The following FANCD2 variants were observed in gnomAD, a reference collection of about 807,000 sequenced individuals.
The protein encoded by FANCD2 is Fanconi anemia group D2 protein.
A neutral mutation model predicts 192.3 loss-of-function variants in FANCD2; 131 were observed. The observed-to-expected ratio is 0.68, with a 90% confidence interval of 0.59 to 0.79. The LOEUF (loss-of-function observed/expected upper bound fraction) is 0.79, where lower values mean the gene tolerates loss of function less well. FANCD2 is among the 30% of genes least tolerant of loss of function. The pLI is 0.00. For missense variants in FANCD2, 1,508 were observed against 1,701.6 expected (o/e 0.89, Z 2.00); for synonymous variants, 524 against 612.5 (o/e 0.86, Z 2.13).
intron 9 of FANCD2, 133 bp from the exon 10 acceptor site, chr3:10,041,490 T>C (rs1212034342): frequency 1.5e-6 from 1 of 684,260 alleles, no homozygotes; most frequent in Non-Finnish European, 2.7e-6. Flanking sequence ...AGAAACATAC[T>C]ATAAACGGTA....
intron 14 of FANCD2, among the ~76,000 whole-genome samples, chr3:10,045,340 T>C (rs1327327603): frequency 6.6e-6 from 1 of 151,956 alleles, no homozygotes; most frequent in African/African-American, 2.4e-5. Context: ...GGCTAATTTT[T>C]TGTATTTTTA....
intron 26 of FANCD2, among the ~76,000 whole-genome samples, chr3:10,068,926 A>C (rs2087793364): frequency 6.6e-6 from 1 of 152,242 alleles, no homozygotes; most frequent in Admixed American, 6.5e-5. Context: ...GTGTTGGGAA[A>C]ACTGGATATC....
At chr3:10,051,582 G>C (rs1237457544) in intron 17 of FANCD2, among the ~76,000 whole-genome samples, 1 of 152,040 alleles carries the variant, frequency 6.6e-6, no homozygotes, top group Non-Finnish European at 1.5e-5. Flanking sequence ...TTGGGGAATA[G>C]AGTCAATGTC....
At chr3:10,097,836 G>A (rs1695064841) in intron 42 of FANCD2, among the ~76,000 whole-genome samples, 1 of 152,184 alleles carries the variant, frequency 6.6e-6, no homozygotes, top group Admixed American at 6.5e-5. Flanking sequence ...ACAGGCATAA[G>A]AAATTACAAA....
chr3:10,034,216 T>TG (rs113663828), intron 3 of FANCD2, among the ~76,000 whole-genome samples: 2 of 148,428 alleles, frequency 1.3e-5, no homozygotes, highest in East Asian at 2.0e-4. Flanking sequence ...CCCAGCTACT[T>TG]GGGGGGGCTG....
chr3:10,069,484 C>CCCCTCT (rs1348732335), intron 26 of FANCD2, among the ~76,000 whole-genome samples: 2 of 140,656 alleles, frequency 1.4e-5, no homozygotes, highest in Non-Finnish European at 3.0e-5. Context: ...CCTCCCCCTC[C>CCCCTCT]CCCTCTCCCG....
At chr3:10,058,905 C>G (rs1290054685) in intron 18 of FANCD2, among the ~76,000 whole-genome samples, 1 of 152,200 alleles carries the variant, frequency 6.6e-6, no homozygotes, top group African/African-American at 2.4e-5. Context: ...AAGGATTGCA[C>G]TGAATCACTT....
chr3:10,069,926 G>T (rs1194304498), intron 26 of FANCD2, among the ~76,000 whole-genome samples: 1 of 145,174 alleles, frequency 6.9e-6, no homozygotes, highest in African/African-American at 2.6e-5. Context: ...GCCGCCCATC[G>T]TCTGGGATGT....
chr3:10,046,535 G>T, intron 14 of FANCD2, 45 bp from the exon 15 acceptor site: 2 of 1,612,134 alleles, frequency 1.2e-6, no homozygotes, highest in South Asian at 2.2e-5. Context: ...CAAATGTACT[G>T]ATTTGTTAAC....
At chr3:10,050,622 CAA>C (rs58316932) in intron 17 of FANCD2, among the ~76,000 whole-genome samples, 109 of 59,592 alleles carry the variant, frequency 1.8e-3, no homozygotes, top group East Asian at 4.7e-3. Flanking sequence ...GACTCTGTCT[CAA>C]AAAAAAAAAA....
chr3:10,065,070 G>A (rs1372712053), intron 23 of FANCD2, among the ~76,000 whole-genome samples, 195 bp downstream of exon 23: 1 of 152,096 alleles, frequency 6.6e-6, no homozygotes, highest in African/African-American at 2.4e-5. Context: ...CCTTGTGTGA[G>A]CCAACAGATA....
In FANCD2 at chr3:10,034,543, AT is replaced by A. The variant is rs758809407; in HGVS notation, c.273+12del. On this transcript the variant is annotated splice_region_variant and intron_variant, in intron 4 of 43. Coordinates refer to ENST00000675286, the MANE Select transcript of FANCD2 (RefSeq NM_001018115.3). Reference sequence around the variant, plus strand: ...ACACCCTTCCTATCCCAAAGTATGTATTTTTCCCCTGGTATTTTTGCTTGTG... The same window carrying A: ...ACACCCTTCCTATCCCAAAGTATGTATTTTCCCCTGGTATTTTTGCTTGTG... 1.5e-5 allele frequency: 24 copies of A among 1,606,342 alleles called. No homozygotes were observed. The highest frequency in any genetic ancestry group is 1.5e-5 in the Non-Finnish European group (18 of 1,173,144).
intron 36 of FANCD2, among the ~76,000 whole-genome samples, chr3:10,089,415 G>A (rs1406955827): frequency 1.3e-5 from 2 of 152,134 alleles, no homozygotes; most frequent in Non-Finnish European, 2.9e-5. Flanking sequence ...AGTCTGTTAT[G>A]CATTCCTTTC....
At chr3:10,064,326 C>T (rs752947607) in intron 21 of FANCD2, 30 bp from the exon 22 acceptor site, 2 of 1,460,074 alleles carry the variant, frequency 1.4e-6, no homozygotes, top group Non-Finnish European at 1.9e-6. Context: ...ACACTCTGCA[C>T]TGCCCTTTTT....
chr3:10,037,270 CA>C (rs1375535751), intron 7 of FANCD2, among the ~76,000 whole-genome samples: 1 of 152,086 alleles, frequency 6.6e-6, no homozygotes, highest in Non-Finnish European at 1.5e-5. Flanking sequence ...ATCAAAGGCA[CA>C]AATTTAAAAC....
chr3:10,033,632 A>G (rs374932184), intron 3 of FANCD2, among the ~76,000 whole-genome samples: 20 of 149,874 alleles, frequency 1.3e-4, no homozygotes, highest in African/African-American at 3.2e-4. Flanking sequence ...AGATTATTCT[A>G]TCTTGCTAAG....
At chr3:10,087,752 G>A (rs184328551) in intron 34 of FANCD2, among the ~76,000 whole-genome samples, 10 of 152,108 alleles carry the variant, frequency 6.6e-5, no homozygotes, top group African/African-American at 1.4e-4. Flanking sequence ...AGGTTCAAAC[G>A]ATTCTCCTGC....
chr3:10,031,825 A>T (rs1389272172), intron 2 of FANCD2, among the ~76,000 whole-genome samples: 3 of 152,094 alleles, frequency 2.0e-5, no homozygotes, highest in Non-Finnish European at 2.9e-5. Flanking sequence ...TGACTCAGTA[A>T]CTCTGGTATA....
At chr3:10,062,066 A>G (rs573171368) in intron 19 of FANCD2, 85 bp from the exon 20 acceptor site, 6 of 954,070 alleles carry the variant, frequency 6.3e-6, no homozygotes, top group Middle Eastern at 6.4e-4. Context: ...ACATGTATAC[A>G]TATGTAACAA....
Sources: allele counts gnomAD v4.1 joint callset (sites outside exome capture counted in the v4.1 genomes callset), GRCh38; gene constraint gnomAD v4.1.1; transcripts MANE v1.5; gene names NCBI Gene and HGNC (gene_info 2026-07-23, HGNC 2026-07-21).